HSF1: variants seen among roughly 807,000 people sequenced by gnomAD.
HSF1 encodes heat shock transcription factor 1, also known as heat shock factor protein 1.
A neutral mutation model predicts 51.7 loss-of-function variants in HSF1; 32 were observed. The ratio of observed to expected loss-of-function variants is 0.62; its 90% confidence interval spans 0.47 to 0.83. The LOEUF is 0.83. Ranked by LOEUF, HSF1 falls within the 40% of genes least tolerant of loss-of-function variation. HSF1 has a pLI of 0.00. For missense variants in HSF1, 727 were observed against 717.0 expected (o/e 1.01, Z -0.16); for synonymous variants, 396 against 309.7 (o/e 1.28, Z -2.92).
At chr8:144,308,662 C>A (rs1816388065) in intron 1 of HSF1, among the ~76,000 whole-genome samples, 1 of 152,226 alleles carries the variant, frequency 6.6e-6, no homozygotes, top group Admixed American at 6.5e-5. Flanking sequence ...TCGCATCTGC[C>A]CACCGCCCAG....
At chr8:144,293,363 C>G (rs1286586648) in intron 1 of HSF1, 1 of 152,244 alleles carries the variant, frequency 6.6e-6, no homozygotes. Context: ...ATTTCACCAT[C>G]TCTTCATTCT....
intron 1 of HSF1, among the ~76,000 whole-genome samples, chr8:144,306,049 A>C (rs1816204435): frequency 6.6e-6 from 1 of 152,034 alleles, no homozygotes; most frequent in African/African-American, 2.4e-5. Flanking sequence ...TTGACTTTTA[A>C]TCTGAGTTAT....
chr8:144,307,335 G>A (rs1303024016), intron 1 of HSF1, among the ~76,000 whole-genome samples: 1 of 152,252 alleles, frequency 6.6e-6, no homozygotes, highest in Non-Finnish European at 1.5e-5. Flanking sequence ...GGCCCTGGAG[G>A]AGCTCAAGCC....
chr8:144,309,596 G>A lies in HSF1; in HGVS notation c.363+5G>A. ...ATCAAGAGGAAAGTGACCAGTGTGA[G>A]TGCCGGCCCTGCACCCTTGCCCGGT... On this transcript the variant is annotated splice_donor_5th_base_variant and intron_variant, in intron 3 of 12. Transcript: ENST00000528838. 1 of 1,613,788 alleles carries A rather than the reference G, an allele frequency of 6.2e-7. No individual in the cohort carries two copies. Among genetic ancestry groups the A allele is most frequent in the Non-Finnish European group, 8.5e-7 (1 of 1,179,982 alleles).
Position 144,299,130 on chromosome 8 carries a change from G to A in HSF1, c.117+7256G>A, listed in dbSNP as rs138481833. ...TGGAAACACCACTGCCTGCTAGCAC[G>A]GAGTACACACAGCACTCTTGAGAGA... On this transcript the variant is annotated intron_variant, in intron 1 of 12. Transcript: ENST00000528838. Among the ~76,000 whole-genome samples, 49 of 152,288 alleles carry A rather than the reference G, an allele frequency of 3.2e-4. No homozygotes were observed. The East Asian group carries it at 7.3e-3, about 23-fold the overall frequency.
chr8:144,303,108 T>G (rs1816007128), intron 1 of HSF1, among the ~76,000 whole-genome samples: 1 of 151,988 alleles, frequency 6.6e-6, no homozygotes, highest in Admixed American at 6.6e-5. Context: ...CAGTTCTGCT[T>G]TGGTTATTCT....
At chr8:144,310,052 C>A in intron 4 of HSF1, 156 bp downstream of exon 4, 1 of 887,196 alleles carries the variant, frequency 1.1e-6, no homozygotes, top group Non-Finnish European at 1.7e-6. Context: ...CCAGCCCCGC[C>A]GCCCGTGGCT....
intron 1 of HSF1, among the ~76,000 whole-genome samples, chr8:144,305,932 A>C (rs997938552): frequency 9.3e-5 from 14 of 151,114 alleles, no homozygotes; most frequent in Non-Finnish European, 1.9e-4. Context: ...GGGTTTCTCC[A>C]TGTTGGTCAG....
intron 1 of HSF1, among the ~76,000 whole-genome samples, chr8:144,294,140 G>T (rs543801446): frequency 6.6e-6 from 1 of 152,230 alleles, no homozygotes; most frequent in Admixed American, 6.5e-5. Context: ...CGTAGCACTG[G>T]GGGCGAGCAT....
chr8:144,303,192 C>G (rs925604930), intron 1 of HSF1, among the ~76,000 whole-genome samples: 1 of 151,878 alleles, frequency 6.6e-6, no homozygotes, highest in African/African-American at 2.4e-5. Context: ...ATGGGGGTCT[C>G]GCTATTTGGA....
chr8:144,305,608 C>T (rs1310333306), intron 1 of HSF1, among the ~76,000 whole-genome samples: 1 of 150,136 alleles, frequency 6.7e-6, no homozygotes, highest in Non-Finnish European at 1.5e-5. Context: ...GCCGGCTCCT[C>T]CTTCTTATTC....
chr8:144,305,711 C>G (rs558522069), intron 1 of HSF1, among the ~76,000 whole-genome samples: 90 of 150,918 alleles, frequency 6.0e-4, no homozygotes, highest in African/African-American at 1.7e-3. Flanking sequence ...TGCTCTTAAG[C>G]CCCTCTGGTT....
intron 1 of HSF1, among the ~76,000 whole-genome samples, chr8:144,292,216 C>A (rs1473175727): frequency 6.6e-6 from 1 of 152,254 alleles, no homozygotes; most frequent in Non-Finnish European, 1.5e-5. Flanking sequence ...GCTTCGCCAG[C>A]GGACGCTATG....
At chr8:144,308,858 G>A (rs781907813) in intron 1 of HSF1, 48 bp from the exon 2 acceptor site, 12 of 1,481,134 alleles carry the variant, frequency 8.1e-6, no homozygotes, top group South Asian at 7.9e-5. Flanking sequence ...GCTTGGGCAC[G>A]CTGCCCCTCA....
At chr8:144,300,394 T>C (rs577648614) in intron 1 of HSF1, among the ~76,000 whole-genome samples, 17 of 152,136 alleles carry the variant, frequency 1.1e-4, no homozygotes, top group African/African-American at 3.6e-4. Context: ...TTTTGTTGTA[T>C]TTTTAGTAGA....
At position 144,298,598 on chromosome 8, in the gene HSF1, CAAA is replaced by C. The variant is rs369577549; in HGVS notation, c.117+6735_117+6737del. On this transcript the variant is annotated intron_variant, in intron 1 of 12. Transcript: ENST00000528838. ...CCAGCCACAGAGCGAGAAACTGTCT[CAAA>C]AAAAAAAAAAGAAAGAAAAGAAAAA... Among the ~76,000 whole-genome samples the C allele has an allele frequency of 5.0e-4, 70 of 139,690 alleles. No individual in the cohort carries two copies. In the Middle Eastern group the frequency reaches 0.011, roughly 22 times the overall value. 91.6% of individuals were successfully genotyped at this position (139,690 alleles called of 152,430 possible).
intron 10 of HSF1, 34 bp downstream of exon 10, chr8:144,313,650 C>CCCGGGTGCTGTTCTGACTTCCCG (rs1564625520): frequency 4.0e-6 from 1 of 249,664 alleles, no homozygotes; most frequent in Non-Finnish European, 6.5e-6. Context: ...CCTCCCCGCC[C>CCCGGGTGCTGTTCTGACTTCCCG]CGCCTCCCCG....
intron 1 of HSF1, among the ~76,000 whole-genome samples, chr8:144,307,751 G>T (rs1816318379): frequency 6.6e-6 from 1 of 151,646 alleles, no homozygotes; most frequent in Admixed American, 6.6e-5. Flanking sequence ...AGCCATGTTG[G>T]TGCTGGTGCA....
At chr8:144,302,972 C>T (rs1194670335) in intron 1 of HSF1, among the ~76,000 whole-genome samples, 1 of 152,060 alleles carries the variant, frequency 6.6e-6, no homozygotes, top group African/African-American at 2.4e-5. Context: ...ACTAGAACAG[C>T]CAGGTGCTGA....
Sources: gnomAD v4.1 joint callset for allele counts (sites outside exome capture counted in the v4.1 genomes callset) on GRCh38, gnomAD v4.1.1 for gene constraint, MANE v1.5 for transcripts, NCBI Gene and HGNC (gene_info 2026-07-23, HGNC 2026-07-21) for gene names.